Variants in BANK1 observed in about 807,000 individuals in gnomAD.
The protein encoded by BANK1 is B cell scaffold protein with ankyrin repeats 1, also known as B-cell scaffold protein with ankyrin repeats.
BANK1 carries 95 observed loss-of-function variants against 94.5 expected under a neutral mutation model. The ratio of observed to expected loss-of-function variants is 1.00; its 90% CI spans 0.85 to 1.19. The LOEUF is 1.19. Among genes scored for constraint, BANK1 ranks in the 50% most tolerant of loss-of-function variants. BANK1 has a pLI of 0.00. For synonymous variants in BANK1, 334 were observed against 308.4 expected (o/e 1.08, Z -0.87); for missense variants, 987 against 932.2 (o/e 1.06, Z -0.77).
intron 5 of BANK1, among the ~76,000 whole-genome samples, chr4:101,875,114 C>T (rs1302830818): frequency 1.3e-5 from 2 of 152,080 alleles, no homozygotes; most frequent in East Asian, 1.9e-4. Flanking sequence ...TCTGGTTTAA[C>T]GTTATATCAC....
rs536032575 is a variant in BANK1, at chr4:101,992,971, T to C, written c.1207-28543T>C. 2.0e-4 allele frequency among the ~76,000 whole-genome samples: 30 copies of C among 152,272 alleles called. No homozygotes were observed. The South Asian group carries it at 6.0e-3, about 31-fold the overall frequency. Reference sequence around the variant, plus strand: ...TAAAATTTAGACAGTCTCAGGTCGATCACCCTACAGTCGTCCTAAATGTGT... The same window carrying C: ...TAAAATTTAGACAGTCTCAGGTCGACCACCCTACAGTCGTCCTAAATGTGT... On this transcript the variant is annotated intron_variant, in intron 7 of 16. Coordinates refer to ENST00000322953, the MANE Select transcript of BANK1 (RefSeq NM_017935.5).
chr4:102,005,992 T>G (rs1348936116), intron 7 of BANK1, among the ~76,000 whole-genome samples: 1 of 152,004 alleles, frequency 6.6e-6, no homozygotes, highest in East Asian at 1.9e-4. Context: ...ATAATGGAAA[T>G]CTGGAATGCC....
intron 3 of BANK1, among the ~76,000 whole-genome samples, chr4:101,858,925 A>G (rs1196406596): frequency 3.3e-5 from 5 of 152,202 alleles, no homozygotes; most frequent in Admixed American, 3.3e-4. Context: ...TCGACAGACC[A>G]TGGATTATGT....
At chr4:101,944,175 G>A (rs1242556153) in intron 7 of BANK1, among the ~76,000 whole-genome samples, 3 of 151,762 alleles carry the variant, frequency 2.0e-5, no homozygotes, top group African/African-American at 4.8e-5. Flanking sequence ...TGTATCAGTC[G>A]AGAAATTTTA....
At chr4:101,829,715 A>G in intron 1 of BANK1, 93 bp from the exon 2 acceptor site, 2 of 710,362 alleles carry the variant, frequency 2.8e-6, no homozygotes, top group Non-Finnish European at 4.3e-6. Flanking sequence ...AAATTAATAT[A>G]TTGCCTAGTG....
intron 13 of BANK1, among the ~76,000 whole-genome samples, chr4:102,064,543 A>G (rs1728526322): frequency 6.6e-6 from 1 of 152,190 alleles, no homozygotes; most frequent in Non-Finnish European, 1.5e-5. Context: ...AAATTAAAGG[A>G]CACATATTAA....
intron 4 of BANK1, among the ~76,000 whole-genome samples, chr4:101,869,228 CTT>C (rs1165202883): frequency 1.3e-5 from 2 of 151,850 alleles, no homozygotes; most frequent in Middle Eastern, 3.4e-3. Flanking sequence ...ATTTTTATGA[CTT>C]ATCATAACAT....
intron 10 of BANK1, among the ~76,000 whole-genome samples, chr4:102,031,777 C>T (rs1727324539): frequency 6.6e-6 from 1 of 152,078 alleles, no homozygotes; most frequent in Non-Finnish European, 1.5e-5. Context: ...CATAATTACT[C>T]ATATATACTT....
intron 7 of BANK1, among the ~76,000 whole-genome samples, chr4:101,925,395 T>C (rs899971632): frequency 6.6e-6 from 1 of 151,692 alleles, no homozygotes; most frequent in Non-Finnish European, 1.5e-5. Flanking sequence ...TGAGGACAAG[T>C]GATGATATGA....
intron 11 of BANK1, among the ~76,000 whole-genome samples, chr4:102,054,135 A>G (rs1474063966): frequency 6.6e-6 from 1 of 151,822 alleles, no homozygotes; most frequent in Non-Finnish European, 1.5e-5. Flanking sequence ...TAAAACCTCA[A>G]AGATATCTTA....
intron 7 of BANK1, among the ~76,000 whole-genome samples, chr4:101,958,586 A>C (rs1724451198): frequency 6.6e-6 from 1 of 151,444 alleles, no homozygotes; most frequent in African/African-American, 2.4e-5. Flanking sequence ...TCAAAGACAT[A>C]CTTCATCATT....
intron 6 of BANK1, among the ~76,000 whole-genome samples, chr4:101,902,265 T>C (rs975842631): frequency 3.3e-5 from 5 of 152,222 alleles, no homozygotes; most frequent in Non-Finnish European, 7.3e-5. Context: ...GAAATTATCT[T>C]CCTCGTGATC....
At chr4:101,984,870 C>T (rs912492760) in intron 7 of BANK1, among the ~76,000 whole-genome samples, 1 of 151,954 alleles carries the variant, frequency 6.6e-6, no homozygotes, top group African/African-American at 2.4e-5. Context: ...ATCACGAATG[C>T]GACCTGAAGT....
chr4:102,051,215 A>G (rs1728035337), intron 11 of BANK1, among the ~76,000 whole-genome samples: 1 of 152,220 alleles, frequency 6.6e-6, no homozygotes, highest in Non-Finnish European at 1.5e-5. Flanking sequence ...TGTTTTTGCC[A>G]GTACTGGATA....
At chr4:102,023,255 C>A (rs1262065390) in intron 8 of BANK1, among the ~76,000 whole-genome samples, 2 of 151,984 alleles carry the variant, frequency 1.3e-5, no homozygotes, top group African/African-American at 4.8e-5. Context: ...CATACTTTGG[C>A]AAAATTAGTA....
chr4:101,951,741 A>T (rs537670017), intron 7 of BANK1, among the ~76,000 whole-genome samples: 3 of 152,102 alleles, frequency 2.0e-5, no homozygotes, highest in Non-Finnish European at 4.4e-5. Context: ...AAGCAATAGA[A>T]TTAAACCTAT....
intron 11 of BANK1, among the ~76,000 whole-genome samples, chr4:102,049,409 T>C (rs1727978159): frequency 6.6e-6 from 1 of 152,198 alleles, no homozygotes. Flanking sequence ...TTTCTATCTA[T>C]ATCAAGATCA....
chr4:102,044,416 T>C (rs1301235866), intron 11 of BANK1, among the ~76,000 whole-genome samples: 1 of 152,160 alleles, frequency 6.6e-6, no homozygotes, highest in African/African-American at 2.4e-5. Flanking sequence ...CACATTTTCT[T>C]AATCCAGTCT....
At chr4:101,961,546 C>A (rs1398629392) in intron 7 of BANK1, among the ~76,000 whole-genome samples, 1 of 152,162 alleles carries the variant, frequency 6.6e-6, no homozygotes, top group East Asian at 1.9e-4. Context: ...TCTTAATCCT[C>A]CTCATTGTCA....
Sources: allele counts gnomAD v4.1 joint callset (sites outside exome capture counted in the v4.1 genomes callset), GRCh38; gene constraint gnomAD v4.1.1; transcripts MANE v1.5; gene names NCBI Gene and HGNC (gene_info 2026-07-23, HGNC 2026-07-21).